ADGRA2: variants seen among roughly 807,000 people sequenced by gnomAD.
ADGRA2 encodes the protein adhesion G protein-coupled receptor A2.
ADGRA2 carries 61 observed loss-of-function variants against 98.7 expected under a neutral mutation model. The ratio of observed to expected loss-of-function variants is 0.62; its 90% CI spans 0.50 to 0.76. The LOEUF (loss-of-function observed/expected upper bound fraction) is 0.76, where lower values mean the gene tolerates loss of function less well. Among genes scored for constraint, ADGRA2 ranks in the 30% least tolerant of loss-of-function variants. The probability of loss-of-function intolerance (pLI) is 0.00; values close to 1 mark genes in which losing one functional copy is unlikely to be tolerated. For synonymous variants in ADGRA2, 858 were observed against 831.5 expected (o/e 1.03, Z -0.55); for missense variants, 1,712 against 1,860.0 (o/e 0.92, Z 1.46).
chr8:37,816,178 A>T (rs1053140039), intron 2 of ADGRA2, among the ~76,000 whole-genome samples: 2 of 152,140 alleles, frequency 1.3e-5, no homozygotes, highest in South Asian at 4.2e-4. Context: ...AAATCCCAGC[A>T]CTCTGGGAGG....
chr8:37,833,264 G>A (rs941957004), intron 9 of ADGRA2, 56 bp downstream of exon 9: 7 of 1,378,204 alleles, frequency 5.1e-6, no homozygotes, highest in Middle Eastern at 3.6e-4. Context: ...AGGGAAGGGA[G>A]AAGCCAACCT....
In ADGRA2 at chr8:37,837,875, G is replaced by C; in HGVS notation, c.2195G>C (p.Arg732Pro). ...GGWTSEGCQL[R>P]SSQPNVSALH... ...TGGACCTCGGAGGGCTGCCAGCTCCGCTCCAGCCAGCCCAATGTCAGCGCC... is the reference window on the plus strand; with the variant it reads ...TGGACCTCGGAGGGCTGCCAGCTCCCCTCCAGCCAGCCCAATGTCAGCGCC... The change falls in exon 14 of 19, where the codon CGC becomes CCC. Residue 732 changes from arginine to proline, a missense_variant. Physicochemically the swap from Arg to Pro is moderately radical, Grantham distance 103. Transcript: ENST00000412232. 1 of 1,495,514 alleles carries C rather than the reference G, an allele frequency of 6.7e-7. No homozygotes were observed. The highest frequency in any genetic ancestry group is 8.9e-7 in the Non-Finnish European group (1 of 1,121,812). The allele number at this position is 1,495,514 out of a possible 1,614,324, so 92.6% of individuals were successfully genotyped here. A position where few individuals can be genotyped will look rare whatever the true frequency, so the allele number is the denominator to read the frequency against.
At position 37,841,228 on chromosome 8, in the gene ADGRA2, A is replaced by T. The variant is rs776668838; in HGVS notation, c.2890A>T (p.Arg964Trp). ...ACAGAACCCCAAGGCGGGCAACAGCAGGGCCTCCCTGGAGGCAGGGGAGGA... is the reference window on the plus strand; with the variant it reads ...ACAGAACCCCAAGGCGGGCAACAGCTGGGCCTCCCTGGAGGCAGGGGAGGA... ...LAQNPKAGNS[R>W]ASLEAGEELR... is the part of the protein sequence containing the mutation. Residue 964 changes from arginine to tryptophan, a missense_variant, in exon 19 of 19, where the codon AGG becomes TGG. By Grantham distance (101) the Arg-to-Trp change is moderately radical (BLOSUM62 -3). Coordinates refer to ENST00000412232, the MANE Select transcript of ADGRA2 (RefSeq NM_032777.10). The surrounding 1 kb of genome is among the most constrained non-coding windows in gnomAD (Gnocchi z 5.0). 1.1e-5 allele frequency: 18 copies of T among 1,613,532 alleles called. No individual in the cohort carries two copies. Among genetic ancestry groups the T allele is most frequent in the Non-Finnish European group, 1.5e-5 (18 of 1,180,006 alleles).
chr8:37,843,275 A>G lies in ADGRA2; in HGVS notation c.*920A>G, dbSNP rs528866146. ...GACCCATCTCCCTAGTCTCAGCCTT[A>G]CAACACCACGGGACTAAGGAAGAGC... is the stretch of plus-strand genomic sequence containing the variant. On this transcript the variant is annotated 3_prime_UTR_variant, in exon 19 of 19. Coordinates refer to ENST00000412232, the MANE Select transcript of ADGRA2 (RefSeq NM_032777.10). 2.0e-5 allele frequency: 3 copies of G among 152,348 alleles called. No homozygotes were observed. 9.4% of individuals were successfully genotyped at this position (152,348 alleles called of 1,614,324 possible).
At chr8:37,836,035 TCCAACA>T (rs1805601951) in intron 13 of ADGRA2, among the ~76,000 whole-genome samples, 2 of 118,172 alleles carry the variant, frequency 1.7e-5, no homozygotes, top group East Asian at 5.1e-4. Flanking sequence ...CATAGCCCCC[TCCAACA>T]CACACACACA....
chr8:37,824,086 C>T (rs1218795164), intron 2 of ADGRA2, among the ~76,000 whole-genome samples: 1 of 151,884 alleles, frequency 6.6e-6, no homozygotes, highest in Admixed American at 6.6e-5. Flanking sequence ...AGCTGGAGTG[C>T]AATGGCATGG....
At chr8:37,809,298 TAA>T (rs374479525) in intron 1 of ADGRA2, among the ~76,000 whole-genome samples, 16 of 137,922 alleles carry the variant, frequency 1.2e-4, no homozygotes, top group Admixed American at 7.3e-5. Flanking sequence ...TTGTCTCTCT[TAA>T]AAAAAAAAAA....
rs1169252018 is a variant in ADGRA2, at chr8:37,802,780, C to G, written c.266+5246C>G. Among the ~76,000 whole-genome samples the G allele has an allele frequency of 2.0e-5, 3 of 152,178 alleles. No individual in the cohort carries two copies. The highest frequency in any genetic ancestry group is 7.2e-5 in the African/African-American group (3 of 41,436). On this transcript the variant is annotated intron_variant, in intron 1 of 18. Transcript: ENST00000412232. The surrounding 1 kb of genome is among the most constrained non-coding windows in gnomAD (Gnocchi z 4.7). ...GCTGCAGGATGTTAGAGTCAGGGTC[C>G]CATCCTAGGGAGAGCCCTGGGCAGA...
chr8:37,823,612 G>A (rs1185671456), intron 2 of ADGRA2, among the ~76,000 whole-genome samples: 2 of 152,158 alleles, frequency 1.3e-5, no homozygotes, highest in Non-Finnish European at 2.9e-5. Flanking sequence ...TGGAATTTCT[G>A]GGTCATATGG....
At position 37,806,097 on chromosome 8, in the gene ADGRA2, G is replaced by T. The variant is rs1804651134; in HGVS notation, c.266+8563G>T. On this transcript the variant is annotated intron_variant, in intron 1 of 18. Coordinates refer to ENST00000412232, the MANE Select transcript of ADGRA2 (RefSeq NM_032777.10). ...TGCATGGAGGAAATGTTTAAGGTCAGTTGGGGGTAATTTCCCAGCCTCCAC... is the reference window on the plus strand; with the variant it reads ...TGCATGGAGGAAATGTTTAAGGTCATTTGGGGGTAATTTCCCAGCCTCCAC... 2.0e-5 allele frequency among the ~76,000 whole-genome samples: 3 copies of T among 152,160 alleles called. No individual in the cohort carries two copies. In the South Asian group the frequency reaches 6.2e-4, roughly 32 times the overall value.
chr8:37,831,247 A>T (rs1805443272), intron 7 of ADGRA2, among the ~76,000 whole-genome samples, 176 bp from the exon 8 acceptor site: 1 of 152,226 alleles, frequency 6.6e-6, no homozygotes, highest in Non-Finnish European at 1.5e-5. Flanking sequence ...GGGGAAATTG[A>T]AGCTCAAAAA....
rs772269743 is a variant in ADGRA2, at chr8:37,844,383, A to G, written c.*2028A>G. ...GGCAGAGCCCCTCTTGGTTCCTTCA[A>G]ACAAGAAAAGCAATACCTACGGACT... On this transcript the variant is annotated 3_prime_UTR_variant, in exon 19 of 19. Transcript: ENST00000412232. 239 of 1,476,112 alleles carry G rather than the reference A, an allele frequency of 1.6e-4. 3 individuals carry two copies. The highest frequency in any genetic ancestry group is 8.0e-4 in the Admixed American group (39 of 48,680). The allele number at this position is 1,476,112 out of a possible 1,614,324, so 91.4% of individuals were successfully genotyped here.
At chr8:37,815,010 G>C in intron 2 of ADGRA2, 43 bp downstream of exon 2, 1 of 1,357,040 alleles carries the variant, frequency 7.4e-7, no homozygotes, top group African/African-American at 1.4e-5. Context: ...GGGTGGCCGT[G>C]ATGGCAAGAG....
rs1245977628 is a variant in ADGRA2 at position 37,841,989 on chromosome 8, C to A, written c.3651C>A (p.Ser1217Arg). ...CGGGGGCGCTGGAGCTGCTGTCCAG[C>A]GAGAGCGGCAGTCTGCACAACAGCC... ...GAAGALELLS[S>R]ESGSLHNSPT... The change falls in exon 19 of 19, where the codon AGC becomes AGA. Residue 1217 changes from serine (S) to arginine (R), a missense_variant. Transcript: ENST00000412232. The surrounding 1 kb of genome is among the most constrained non-coding windows in gnomAD (Gnocchi z 5.0). 2 of 1,508,336 alleles carry A rather than the reference C, an allele frequency of 1.3e-6. No homozygotes were observed. The highest frequency in any genetic ancestry group is 2.1e-5 in the Admixed American group (1 of 46,778). The allele number at this position is 1,508,336 out of a possible 1,614,324, so 93.4% of individuals were successfully genotyped here.
Position 37,833,216 on chromosome 8 carries a change from G to A in ADGRA2, c.1296+8G>A, listed in dbSNP as rs1234084376. ...CTGTACACCTTCGTGCTGGTGAGGA[G>A]AGGCTAGGGCACCCCACCAGCTCTG... On this transcript the variant is annotated splice_region_variant and intron_variant, in intron 9 of 18. Transcript: ENST00000412232. 1.2e-6 allele frequency: 2 copies of A among 1,602,614 alleles called. No homozygotes were observed. Among genetic ancestry groups the A allele is most frequent in the East Asian group, 2.2e-5 (1 of 44,580 alleles).
intron 1 of ADGRA2, among the ~76,000 whole-genome samples, chr8:37,804,151 A>ACACATG (rs1554522482): frequency 6.7e-6 from 1 of 148,602 alleles, no homozygotes; most frequent in East Asian, 2.0e-4. Context: ...ACACACACAC[A>ACACATG]CGGCTCTTAG....
intron 2 of ADGRA2, among the ~76,000 whole-genome samples, chr8:37,828,145 C>A (rs993437828): frequency 6.6e-6 from 1 of 151,874 alleles, no homozygotes; most frequent in East Asian, 1.9e-4. Context: ...GCCTCAAAAA[C>A]AAAACAAAAC....
intron 2 of ADGRA2, among the ~76,000 whole-genome samples, chr8:37,815,894 G>T (rs1804964853): frequency 6.6e-6 from 1 of 152,184 alleles, no homozygotes; most frequent in Non-Finnish European, 1.5e-5. Context: ...ACCTCTCCTA[G>T]AGCCTGACTC....
At chr8:37,838,817 G>A (rs1325953022) in intron 14 of ADGRA2, 139 bp from the exon 15 acceptor site, 5 of 1,012,948 alleles carry the variant, frequency 4.9e-6, no homozygotes, top group East Asian at 5.5e-5. Context: ...TGGACAGCCC[G>A]AAGCTTTCCT....
Sources: gnomAD v4.1 joint callset for allele counts (sites outside exome capture counted in the v4.1 genomes callset) on GRCh38, gnomAD v4.1.1 for gene constraint, Gnocchi (gnomAD v3.1) non-coding constraint, MANE v1.5 for transcripts, NCBI Gene and HGNC (gene_info 2026-07-23, HGNC 2026-07-21) for gene names.